The following CCDC150 variants were observed in gnomAD, a reference collection of about 807,000 sequenced individuals.
CCDC150 encodes the protein coiled-coil domain-containing protein 150.
A neutral mutation model predicts 156.5 loss-of-function variants in CCDC150; 151 were observed. That is an observed-to-expected ratio of 0.97 (90% CI 0.85 to 1.10). The LOEUF is 1.10. Ranked by LOEUF, CCDC150 falls within the 50% of genes least tolerant of loss-of-function variation. The probability of loss-of-function intolerance (pLI) is 0.00; values close to 1 mark genes in which losing one functional copy is unlikely to be tolerated. For synonymous variants in CCDC150, 452 were observed against 429.4 expected (o/e 1.05, Z -0.65); for missense variants, 1,312 against 1,268.1 (o/e 1.03, Z -0.53).
At chr2:196,668,787 C>A (rs977509502) in intron 7 of CCDC150, among the ~76,000 whole-genome samples, 1 of 152,250 alleles carries the variant, frequency 6.6e-6, no homozygotes, top group South Asian at 2.1e-4. Context: ...CCCTTTCATT[C>A]TTAACTTTGG....
intron 22 of CCDC150, 104 bp downstream of exon 22, chr2:196,726,203 C>A (rs1698200479): frequency 3.1e-6 from 4 of 1,310,720 alleles, no homozygotes; most frequent in Admixed American, 4.4e-5. Flanking sequence ...CCTCTCATCC[C>A]CCTTTGATCA....
rs755346220 is a variant in CCDC150, at chr2:196,666,906, A to G, written c.892+58A>G. 4 of 1,594,914 alleles carry G rather than the reference A, an allele frequency of 2.5e-6. No homozygotes were observed. The South Asian group carries it at 3.3e-5, about 13-fold the overall frequency. ...GTTAGTTTTTGGAGATTTCATGGAA[A>G]AACTCTTAAGATCCCAAATTCTTAA... On this transcript the variant is annotated intron_variant, in intron 7 of 27. Coordinates refer to ENST00000389175, the MANE Select transcript of CCDC150 (RefSeq NM_001080539.2).
chr2:196,676,116 A>G (rs1251012868), intron 10 of CCDC150, 27 bp from the exon 11 acceptor site: 3 of 1,611,754 alleles, frequency 1.9e-6, no homozygotes, highest in Non-Finnish European at 2.5e-6. Context: ...TGGAGCTTCA[A>G]CTTCTAATAT....
chr2:196,712,547 A>G (rs1486559962), intron 16 of CCDC150, 130 bp from the exon 17 acceptor site: 2 of 634,070 alleles, frequency 3.2e-6, no homozygotes, highest in African/African-American at 1.8e-5. Context: ...AGAAAAATAG[A>G]TTGTATTACT....
chr2:196,672,486 C>T, intron 9 of CCDC150, 49 bp downstream of exon 9: 1 of 1,032,740 alleles, frequency 9.7e-7, no homozygotes, highest in Non-Finnish European at 1.3e-6. Flanking sequence ...TAATTTTGTT[C>T]AATTAAATAA....
intron 4 of CCDC150, chr2:196,657,374 G>A (rs1031124997): frequency 2.3e-6 from 1 of 432,360 alleles, no homozygotes; most frequent in Non-Finnish European, 4.2e-6. Context: ...ACAAGTGATG[G>A]TGTGGGTCCA....
At chr2:196,697,671 T>C (rs757484148) in intron 14 of CCDC150, among the ~76,000 whole-genome samples, 10 of 152,200 alleles carry the variant, frequency 6.6e-5, no homozygotes, top group Non-Finnish European at 1.2e-4. Context: ...TTGTTAAATA[T>C]TTTGAATAAA....
intron 14 of CCDC150, among the ~76,000 whole-genome samples, chr2:196,700,592 G>A (rs560375198): frequency 6.6e-6 from 1 of 152,262 alleles, no homozygotes; most frequent in South Asian, 2.1e-4. Flanking sequence ...GGTAACGTTT[G>A]CCCCAGATAA....
intron 1 of CCDC150, 26 bp downstream of exon 1, chr2:196,639,804 T>A: frequency 6.4e-7 from 1 of 1,572,140 alleles, no homozygotes; most frequent in Non-Finnish European, 8.7e-7. Context: ...CCCGGGCTGG[T>A]GAGGGGTGGT....
rs186426303 is a variant in CCDC150, at chr2:196,650,263, C to G, written c.176+3759C>G. On this transcript the variant is annotated intron_variant, in intron 2 of 27. Coordinates refer to ENST00000389175, the MANE Select transcript of CCDC150 (RefSeq NM_001080539.2). ...ATTGAGATGATTATATAATTTTTAT[C>G]CTTCATTCTGTTAATACAGTGGATC... Among the ~76,000 whole-genome samples, 136 of 152,284 alleles carry G rather than the reference C, an allele frequency of 8.9e-4. 1 individual carries two copies. Among genetic ancestry groups the G allele is most frequent in the Non-Finnish European group, 1.5e-3 (100 of 68,016 alleles).
At position 196,713,945 on chromosome 2, in the gene CCDC150, A is replaced by G. The variant is rs555575637; in HGVS notation, c.1866+1206A>G. 2.0e-5 allele frequency among the ~76,000 whole-genome samples: 3 copies of G among 152,264 alleles called. No individual in the cohort carries two copies. In the South Asian group the frequency reaches 6.2e-4, roughly 32 times the overall value. On this transcript the variant is annotated intron_variant, in intron 17 of 27. Transcript: ENST00000389175. Reference sequence around the variant, plus strand: ...TTAAAAAATTCAAAATTTCTACCTAATCTTAACATTTGAGCTAAAATGCTT... The same window carrying G: ...TTAAAAAATTCAAAATTTCTACCTAGTCTTAACATTTGAGCTAAAATGCTT...
chr2:196,667,208 C>G (rs4850722), intron 7 of CCDC150: 201,856 of 266,064 alleles, frequency 0.76, 77,042 homozygotes, highest in East Asian at 0.84. Flanking sequence ...GCCATGAATC[C>G]TTGATGACTT....
At chr2:196,725,643 T>C (rs1318272424) in intron 21 of CCDC150, among the ~76,000 whole-genome samples, 1 of 152,244 alleles carries the variant, frequency 6.6e-6, no homozygotes, top group East Asian at 1.9e-4. Flanking sequence ...TATAATGTTT[T>C]GTTTGAAAAG....
At chr2:196,719,217 T>C (rs995942183) in intron 18 of CCDC150, 4 of 231,456 alleles carry the variant, frequency 1.7e-5, no homozygotes, top group Non-Finnish European at 2.5e-5. Context: ...GGACGCAGGT[T>C]GTGCTGAGTC....
chr2:196,671,677 C>T (rs1442382705), intron 8 of CCDC150, among the ~76,000 whole-genome samples: 2 of 152,140 alleles, frequency 1.3e-5, no homozygotes, highest in Admixed American at 6.5e-5. Flanking sequence ...ATCTGCCTGC[C>T]TCAGCCTCCC....
At chr2:196,682,849 C>CTA (rs1694921097) in intron 13 of CCDC150, among the ~76,000 whole-genome samples, 2 of 152,102 alleles carry the variant, frequency 1.3e-5, no homozygotes, top group East Asian at 3.9e-4. Flanking sequence ...AACTATATCT[C>CTA]TATAAATTAT....
rs1170400229 is a variant in CCDC150 at position 196,718,498 on chromosome 2, C to T, written c.1867-5C>T. 2 of 1,598,534 alleles carry T rather than the reference C, an allele frequency of 1.3e-6. No individual in the cohort carries two copies. Among genetic ancestry groups the T allele is most frequent in the African/African-American group, 1.3e-5 (1 of 74,618 alleles). ...GTTATTTATTGTTTCTTTTTTCCTA[C>T]TTAGGTGAAATCTATTCTTGAAAGA... On this transcript the variant is annotated splice_polypyrimidine_tract_variant and splice_region_variant and intron_variant, in intron 17 of 27. Coordinates refer to ENST00000389175, the MANE Select transcript of CCDC150 (RefSeq NM_001080539.2).
intron 23 of CCDC150, 90 bp from the exon 24 acceptor site, chr2:196,729,703 A>G (rs1412978451): frequency 2.3e-6 from 2 of 886,494 alleles, no homozygotes; most frequent in African/African-American, 1.7e-5. Context: ...TGGGTCTCAT[A>G]TTGGATTCTT....
At chr2:196,651,837 T>C (rs1692896773) in intron 2 of CCDC150, among the ~76,000 whole-genome samples, 1 of 152,164 alleles carries the variant, frequency 6.6e-6, no homozygotes, top group Admixed American at 6.5e-5. Context: ...CTGCAGGCTG[T>C]AAAAACATGG....
Sources: gnomAD v4.1 joint callset for allele counts (sites outside exome capture counted in the v4.1 genomes callset) on GRCh38, gnomAD v4.1.1 for gene constraint, MANE v1.5 for transcripts, NCBI Gene and HGNC (gene_info 2026-07-23, HGNC 2026-07-21) for gene names.